PPP3R1: variants seen among roughly 807,000 people sequenced by gnomAD.
PPP3R1 encodes calcineurin subunit B type 1.
In PPP3R1, 5 loss-of-function variants were observed where a neutral mutation model predicts 22.6. The observed-to-expected ratio is 0.22, with a 90% CI of 0.12 to 0.46. The LOEUF (loss-of-function observed/expected upper bound fraction) is 0.46. Among genes scored for constraint, PPP3R1 ranks in the 20% least tolerant of loss-of-function variants. The probability of loss-of-function intolerance (pLI) is 0.99; values close to 1 mark genes in which losing one functional copy is unlikely to be tolerated. For missense variants in PPP3R1, 61 were observed against 203.2 expected (o/e 0.30, Z 4.25); for synonymous variants, 56 against 65.2 (o/e 0.86, Z 0.68).
At chr2:68,193,861 C>T (rs1010209975) in intron 2 of PPP3R1, among the ~76,000 whole-genome samples, 2 of 152,078 alleles carry the variant, frequency 1.3e-5, no homozygotes, top group East Asian at 3.8e-4. Context: ...CAGTTAAATA[C>T]TGAAGAACAA....
At position 68,252,460 on chromosome 2, in the gene PPP3R1, C is replaced by G. The variant is rs1005776528; in HGVS notation, c.-333G>C. The G allele has an allele frequency of 3.0e-6, 3 of 989,146 alleles. No homozygotes were observed. In the African/African-American group the frequency reaches 5.2e-5, roughly 17 times the overall value. The allele number at this position is 989,146 out of a possible 1,614,324, so 61.3% of individuals were successfully genotyped here. On this transcript the variant is annotated 5_prime_UTR_variant, in exon 1 of 6. Transcript: ENST00000234310. ...AGACGGCCGGGAAACTCGGGGGCTG[C>G]AGCCTCGCGCTCGCGCCGGAGCCGT...
intron 2 of PPP3R1, among the ~76,000 whole-genome samples, chr2:68,204,153 A>C (rs1675054564): frequency 6.6e-6 from 1 of 152,054 alleles, no homozygotes; most frequent in African/African-American, 2.4e-5. Context: ...CACTTTTCCA[A>C]AGTTATCATG....
intron 2 of PPP3R1, among the ~76,000 whole-genome samples, chr2:68,202,469 C>T (rs184518965): frequency 2.0e-5 from 3 of 151,284 alleles, no homozygotes; most frequent in Non-Finnish European, 4.4e-5. Flanking sequence ...CTGTCTCCCA[C>T]GCTGGAGTGC....
chr2:68,209,942 T>C (rs139979587), intron 2 of PPP3R1, among the ~76,000 whole-genome samples: 307 of 152,018 alleles, frequency 2.0e-3, no homozygotes, highest in African/African-American at 6.6e-3. Flanking sequence ...AAGGTGGTAA[T>C]AGGAATGAAA....
intron 2 of PPP3R1, among the ~76,000 whole-genome samples, chr2:68,191,500 T>A (rs1031585415): frequency 1.3e-5 from 2 of 152,118 alleles, no homozygotes; most frequent in African/African-American, 4.8e-5. Flanking sequence ...AGCCAGTGAG[T>A]GACTGGTGAG....
At chr2:68,198,397 ATATATGTG>A (rs1674874345) in intron 2 of PPP3R1, among the ~76,000 whole-genome samples, 1 of 98,110 alleles carries the variant, frequency 1.0e-5, no homozygotes, top group African/African-American at 4.0e-5. Context: ...ATATATGTAT[ATATATGTG>A]TATGTATATG....
intron 2 of PPP3R1, among the ~76,000 whole-genome samples, chr2:68,208,943 TA>T (rs1479893229): frequency 1.3e-5 from 2 of 149,416 alleles, no homozygotes; most frequent in South Asian, 4.3e-4. Flanking sequence ...TTTTTTAATT[TA>T]AAAAAAATCA....
intron 1 of PPP3R1, among the ~76,000 whole-genome samples, chr2:68,246,025 A>T (rs1670229601): frequency 6.8e-6 from 1 of 148,114 alleles, no homozygotes; most frequent in Non-Finnish European, 1.5e-5. Context: ...TCAAAAGATA[A>T]TCTCTCCCTT....
chr2:68,252,446 A>G lies in PPP3R1; in HGVS notation c.-319T>C. ...GGGAGAGGGGGCGAAGACGGCCGGG[A>G]AACTCGGGGGCTGCAGCCTCGCGCT... On this transcript the variant is annotated 5_prime_UTR_variant, in exon 1 of 6. Transcript: ENST00000234310. The G allele has an allele frequency of 1.0e-6, 1 of 990,600 alleles. No homozygotes were observed. Among genetic ancestry groups the G allele is most frequent in the Non-Finnish European group, 1.2e-6 (1 of 834,076 alleles). The allele number at this position is 990,600 out of a possible 1,614,324, so 61.4% of individuals were successfully genotyped here. A position where few individuals can be genotyped will look rare whatever the true frequency, so the allele number is the denominator to read the frequency against.
In PPP3R1 at chr2:68,252,334, G is replaced by A. The variant is rs915153004; in HGVS notation, c.-207C>T. The A allele has an allele frequency of 6.9e-6, 7 of 1,014,906 alleles. No homozygotes were observed. Among genetic ancestry groups the A allele is most frequent in the Middle Eastern group, 4.9e-4 (1 of 2,052 alleles). The allele number at this position is 1,014,906 out of a possible 1,614,324, so 62.9% of individuals were successfully genotyped here. A position where few individuals can be genotyped will look rare whatever the true frequency, so the allele number is the denominator to read the frequency against. ...CGCGAGGGAGCGGGCAGGGTAGGGG[G>A]AAATAAATTAAGGTCGAGATTCAGA... On this transcript the variant is annotated 5_prime_UTR_variant, in exon 1 of 6. Transcript: ENST00000234310.
chr2:68,233,026 ATTCT>A (rs974493081), intron 1 of PPP3R1, among the ~76,000 whole-genome samples: 18 of 152,278 alleles, frequency 1.2e-4, no homozygotes, highest in African/African-American at 2.4e-4. Flanking sequence ...TTATTTGCTT[ATTCT>A]TTCTTTCTTA....
intron 5 of PPP3R1, among the ~76,000 whole-genome samples, chr2:68,183,967 T>TAA (rs1467141123): frequency 2.6e-5 from 4 of 152,258 alleles, no homozygotes; most frequent in Admixed American, 2.6e-4. Context: ...CTAGACAGTG[T>TAA]AAGTCCAGCT....
At chr2:68,201,424 T>C (rs977694682) in intron 2 of PPP3R1, among the ~76,000 whole-genome samples, 35 of 152,362 alleles carry the variant, frequency 2.3e-4, no homozygotes, top group African/African-American at 8.2e-4. Flanking sequence ...TTTTCTCTCG[T>C]TGACTTTTAT....
chr2:68,229,912 A>G (rs912317196), intron 1 of PPP3R1, among the ~76,000 whole-genome samples: 2 of 149,860 alleles, frequency 1.3e-5, no homozygotes, highest in African/African-American at 2.5e-5. Flanking sequence ...GTGTGTGTGT[A>G]TATGTGTATA....
intron 1 of PPP3R1, among the ~76,000 whole-genome samples, chr2:68,244,334 T>G (rs1336018516): frequency 6.6e-6 from 1 of 152,180 alleles, no homozygotes; most frequent in Non-Finnish European, 1.5e-5. Flanking sequence ...ATTACCTTGT[T>G]AACTGCCTAA....
chr2:68,190,131 T>C (rs1674630514), intron 2 of PPP3R1, among the ~76,000 whole-genome samples: 1 of 151,068 alleles, frequency 6.6e-6, no homozygotes, highest in Admixed American at 6.6e-5. Flanking sequence ...CAAGATGGTG[T>C]TCTAATATGA....
intron 2 of PPP3R1, among the ~76,000 whole-genome samples, chr2:68,208,512 A>G (rs534159052): frequency 2.0e-5 from 3 of 152,196 alleles, no homozygotes. Context: ...GTTTACCAAT[A>G]TTCCTGGTCT....
intron 1 of PPP3R1, among the ~76,000 whole-genome samples, chr2:68,241,172 A>C (rs1385596483): frequency 1.3e-5 from 2 of 152,008 alleles, no homozygotes; most frequent in African/African-American, 4.8e-5. Flanking sequence ...CCCTGATATA[A>C]AATGGCATAG....
chr2:68,181,096 A>G (rs1325191859), intron 5 of PPP3R1, 86 bp from the exon 6 acceptor site: 7 of 1,334,094 alleles, frequency 5.2e-6, no homozygotes, highest in Non-Finnish European at 7.5e-6. Context: ...ATTTTAAAAA[A>G]TATTACTAGG....
Sources: gnomAD v4.1 joint callset for allele counts (sites outside exome capture counted in the v4.1 genomes callset) on GRCh38, gnomAD v4.1.1 for gene constraint, MANE v1.5 for transcripts, NCBI Gene and HGNC (gene_info 2026-07-23, HGNC 2026-07-21) for gene names.